AP1AR: variants seen among roughly 807,000 people sequenced by gnomAD.
AP1AR encodes AP-1 complex-associated regulatory protein.
AP1AR carries 29 observed loss-of-function variants against 46.3 expected under a neutral mutation model. The observed-to-expected ratio is 0.63, with a 90% confidence interval of 0.47 to 0.85. The LOEUF (loss-of-function observed/expected upper bound fraction) is 0.85, where lower values mean the gene tolerates loss of function less well. Among genes scored for constraint, AP1AR ranks in the 40% least tolerant of loss-of-function variants. AP1AR has a pLI of 0.00. For missense variants in AP1AR, 357 were observed against 356.3 expected, an observed-to-expected ratio of 1.00 and a Z score of -0.02; for synonymous variants, 122 against 122.9, an observed-to-expected ratio of 0.99 and a Z score of 0.05.
At position 112,231,974 on chromosome 4, in the gene AP1AR, C is replaced by T. The variant is rs1725020221; in HGVS notation, c.-118C>T. On this transcript the variant is annotated 5_prime_UTR_variant, in exon 1 of 10. Coordinates refer to ENST00000274000, the MANE Select transcript of AP1AR (RefSeq NM_018569.6). ...CCTCACGCCGCCGGGCTCTGGCCGG[C>T]CCGCCCTCGGTCCTTGAACCCCATT... The T allele has an allele frequency of 1.0e-6, 1 of 970,436 alleles. No homozygotes were observed. The highest frequency in any genetic ancestry group is 1.4e-6 in the Non-Finnish European group (1 of 733,422). The allele number at this position is 970,436 out of a possible 1,614,324, so 60.1% of individuals were successfully genotyped here. A position where few individuals can be genotyped will look rare whatever the true frequency, so the allele number is the denominator to read the frequency against.
Position 112,268,140 on chromosome 4 carries a change from A to G in AP1AR, c.644-4A>G. On this transcript the variant is annotated splice_region_variant and splice_polypyrimidine_tract_variant and intron_variant, in intron 9 of 9. Transcript: ENST00000274000. ...GATTTTTGAAAACTCTGTTCAAATCATAGGAATGAATAGAATGCTTCCAAT... is the reference window on the plus strand; with the variant it reads ...GATTTTTGAAAACTCTGTTCAAATCGTAGGAATGAATAGAATGCTTCCAAT... The G allele has an allele frequency of 1.3e-6, 2 of 1,531,140 alleles. No individual in the cohort carries two copies. The highest frequency in any genetic ancestry group is 1.8e-6 in the Non-Finnish European group (2 of 1,141,710). The allele number at this position is 1,531,140 out of a possible 1,614,324, so 94.8% of individuals were successfully genotyped here.
chr4:112,263,006 A>G lies in AP1AR; in HGVS notation c.301A>G (p.Lys101Glu). 2 of 1,613,724 alleles carry G rather than the reference A, an allele frequency of 1.2e-6. No individual in the cohort carries two copies. Among genetic ancestry groups the G allele is most frequent in the Non-Finnish European group, 1.7e-6 (2 of 1,179,790 alleles). The part of the protein sequence containing the change: ...IQKELALQEE[K>E]LRLEEEALYA... Reference sequence around the variant, plus strand: ...TGTACAGTTAGCCTTACAAGAAGAGAAGTTAAGACTAGAAGAAGAAGCTTT... The same window carrying G: ...TGTACAGTTAGCCTTACAAGAAGAGGAGTTAAGACTAGAAGAAGAAGCTTT... Residue 101 changes from lysine (K) to glutamate (E), a missense_variant, in exon 6 of 10, where the codon AAG (lysine) becomes GAG (glutamate). Lys to Glu is a moderately conservative substitution (Grantham distance 56). Coordinates refer to ENST00000274000, the MANE Select transcript of AP1AR (RefSeq NM_018569.6).
chr4:112,256,181 G>A (rs1256732188), intron 3 of AP1AR, among the ~76,000 whole-genome samples: 6 of 152,136 alleles, frequency 3.9e-5, no homozygotes, highest in Admixed American at 6.5e-5. Context: ...TTAAATTAAC[G>A]TGGGTAAAAA....
intron 6 of AP1AR, among the ~76,000 whole-genome samples, chr4:112,263,755 C>T (rs1007162288): frequency 1.3e-5 from 2 of 152,146 alleles, no homozygotes; most frequent in African/African-American, 4.8e-5. Context: ...TTATTTAATC[C>T]TCACAACAAT....
chr4:112,266,494 A>T lies in AP1AR; in HGVS notation c.515-94A>T, dbSNP rs376672840. ...TTATGAAGCTAAAAGTAATAATAAT[A>T]ATATTTAGAGACAGATAATTGTTAC... On this transcript the variant is annotated intron_variant, in intron 8 of 9. Transcript: ENST00000274000. 6 of 1,154,598 alleles carry T rather than the reference A, an allele frequency of 5.2e-6. No homozygotes were observed. In the South Asian group the frequency reaches 9.2e-5, roughly 18 times the overall value. 71.5% of individuals were successfully genotyped at this position (1,154,598 alleles called of 1,614,324 possible). A position where few individuals can be genotyped will look rare whatever the true frequency, so the allele number is the denominator to read the frequency against.
rs1277396517 is a variant in AP1AR at position 112,270,667 on chromosome 4, G to C, written c.*2258G>C. On this transcript the variant is annotated 3_prime_UTR_variant, in exon 10 of 10. Coordinates refer to ENST00000274000, the MANE Select transcript of AP1AR (RefSeq NM_018569.6). ...ACGGCAAGTACAAAGTACCTGAGGT[G>C]GGAAAGAGTTTGTTATGTTCTGTGA... Among the ~76,000 whole-genome samples, 2 of 152,200 alleles carry C rather than the reference G, an allele frequency of 1.3e-5. No individual in the cohort carries two copies. The highest frequency in any genetic ancestry group is 2.9e-5 in the Non-Finnish European group (2 of 68,030).
chr4:112,237,558 A>G (rs539388763), intron 1 of AP1AR, among the ~76,000 whole-genome samples: 2 of 152,038 alleles, frequency 1.3e-5, no homozygotes, highest in African/African-American at 2.4e-5. Context: ...CCCAGGCTCA[A>G]GCAATTCTAC....
intron 1 of AP1AR, among the ~76,000 whole-genome samples, chr4:112,240,374 A>G (rs1346999003): frequency 1.3e-5 from 2 of 152,180 alleles, no homozygotes; most frequent in African/African-American, 4.8e-5. Flanking sequence ...GCACATCATC[A>G]TGGAACCATC....
At chr4:112,245,415 A>G (rs1044291916) in intron 1 of AP1AR, among the ~76,000 whole-genome samples, 3 of 152,174 alleles carry the variant, frequency 2.0e-5, no homozygotes, top group Non-Finnish European at 2.9e-5. Flanking sequence ...AGGAAGATCT[A>G]AAAGATATTT....
intron 1 of AP1AR, among the ~76,000 whole-genome samples, chr4:112,247,191 G>A (rs1248427358): frequency 6.6e-6 from 1 of 152,206 alleles, no homozygotes; most frequent in Non-Finnish European, 1.5e-5. Context: ...GTAACATGAA[G>A]TGTATGTATG....
chr4:112,252,847 ATTAT>A (rs1278601567), intron 1 of AP1AR, among the ~76,000 whole-genome samples: 18 of 152,180 alleles, frequency 1.2e-4, no homozygotes, highest in Admixed American at 2.6e-4. Flanking sequence ...CTTTTTATAT[ATTAT>A]TTAACACATC....
At chr4:112,254,450 A>T (rs543183531) in intron 2 of AP1AR, among the ~76,000 whole-genome samples, 23 of 152,318 alleles carry the variant, frequency 1.5e-4, no homozygotes, top group African/African-American at 3.8e-4. Flanking sequence ...TACTTGTATG[A>T]AATATTCAAT....
chr4:112,242,234 A>G (rs1290359080), intron 1 of AP1AR, among the ~76,000 whole-genome samples: 1 of 152,186 alleles, frequency 6.6e-6, no homozygotes, highest in African/African-American at 2.4e-5. Context: ...CCTTGAGAAC[A>G]TCGATAAGTG....
chr4:112,267,307 C>A (rs937249902), intron 9 of AP1AR, among the ~76,000 whole-genome samples: 1 of 151,858 alleles, frequency 6.6e-6, no homozygotes, highest in Non-Finnish European at 1.5e-5. Context: ...GATTTTAATT[C>A]TGTTACCAAT....
chr4:112,232,091 G>A lies in AP1AR; in HGVS notation c.-1G>A. ...GAGCGGCGGCGCCTGGGCGGCATGC[G>A]ATGGGGAACTGCTGCTGGACGCAGT... On this transcript the variant is annotated 5_prime_UTR_variant, in exon 1 of 10. Transcript: ENST00000274000. The A allele has an allele frequency of 7.4e-7, 1 of 1,348,500 alleles. No homozygotes were observed. The highest frequency in any genetic ancestry group is 3.1e-5 in the East Asian group (1 of 32,670). 83.5% of individuals were successfully genotyped at this position (1,348,500 alleles called of 1,614,324 possible). A position where few individuals can be genotyped will look rare whatever the true frequency, so the allele number is the denominator to read the frequency against.
Position 112,265,784 on chromosome 4 carries a change from A to C in AP1AR, c.491A>C (p.Gln164Pro), listed in dbSNP as rs749440664. 1.2e-6 allele frequency: 2 copies of C among 1,609,622 alleles called. No individual in the cohort carries two copies. Among genetic ancestry groups the C allele is most frequent in the Admixed American group, 3.4e-5 (2 of 59,626 alleles). ...TCTTGTTTGAGAAATATGAAGTCAC[A>C]GTATGAAGTTTTTCGAAGTAGTAGT... ...FESCLRNMKS[Q>P]YEVFRSSRLS... Residue 164 changes from glutamine (Q) to proline (P), a missense_variant, in exon 8 of 10, where the codon CAG becomes CCG. This residue lies in a region of AP1AR where 269 missense variants were observed against 223.6 expected (regional missense o/e 1.20). Coordinates refer to ENST00000274000, the MANE Select transcript of AP1AR (RefSeq NM_018569.6).
intron 3 of AP1AR, among the ~76,000 whole-genome samples, chr4:112,257,063 T>A (rs1456039601): frequency 1.3e-5 from 2 of 152,186 alleles, no homozygotes; most frequent in African/African-American, 4.8e-5. Context: ...ACACACATAT[T>A]TTCCCCATAA....
intron 1 of AP1AR, among the ~76,000 whole-genome samples, chr4:112,249,220 G>A (rs184712608): frequency 6.6e-6 from 1 of 152,260 alleles, no homozygotes; most frequent in East Asian, 1.9e-4. Context: ...CTTGAACCCA[G>A]CGGGTGGAGG....
chr4:112,266,327 A>G (rs1201135379), intron 8 of AP1AR, among the ~76,000 whole-genome samples: 1 of 151,792 alleles, frequency 6.6e-6, no homozygotes, highest in Non-Finnish European at 1.5e-5. Flanking sequence ...AATATTATCT[A>G]GAGTTAATCA....
Sources: allele counts gnomAD v4.1 joint callset (sites outside exome capture counted in the v4.1 genomes callset), GRCh38; gene constraint gnomAD v4.1.1; regional missense constraint gnomAD v4.1.1; transcripts MANE v1.5; gene names NCBI Gene and HGNC (gene_info 2026-07-23, HGNC 2026-07-21).